LAMC1: variants seen among roughly 807,000 people sequenced by gnomAD.
The protein encoded by LAMC1 is laminin subunit gamma 1.
In LAMC1, 38 loss-of-function variants were observed where a neutral mutation model predicts 173.6. That is an observed-to-expected ratio of 0.22 (90% CI 0.17 to 0.29). The LOEUF (loss-of-function observed/expected upper bound fraction) is 0.29, where lower values mean the gene tolerates loss of function less well. Among genes scored for constraint, LAMC1 ranks in the 10% least tolerant of loss-of-function variants. LAMC1 has a pLI of 1.00. For missense variants in LAMC1, 1,824 were observed against 2,051.8 expected, an observed-to-expected ratio of 0.89 and a Z score of 2.14; for synonymous variants, 746 against 749.1, an observed-to-expected ratio of 1.00 and a Z score of 0.07.
intron 27 of LAMC1, among the ~76,000 whole-genome samples, chr1:183,142,247 A>G (rs1657133104): frequency 6.6e-6 from 1 of 152,248 alleles, no homozygotes; most frequent in African/African-American, 2.4e-5. Flanking sequence ...AGAACATGGT[A>G]GCTGTGCATT....
intron 1 of LAMC1, among the ~76,000 whole-genome samples, chr1:183,025,567 G>C (rs1211563147): frequency 6.6e-6 from 1 of 152,120 alleles, no homozygotes; most frequent in Non-Finnish European, 1.5e-5. Context: ...TAGTGACCGA[G>C]GATTTCCTAA....
chr1:183,097,847 G>C (rs1655733349), intron 1 of LAMC1, among the ~76,000 whole-genome samples: 1 of 152,080 alleles, frequency 6.6e-6, no homozygotes, highest in Admixed American at 6.6e-5. Flanking sequence ...TGAGTTTTTT[G>C]TTTATGGAAG....
chr1:183,118,659 G>GT (rs2102086809), intron 11 of LAMC1, among the ~76,000 whole-genome samples: 1 of 151,788 alleles, frequency 6.6e-6, no homozygotes, highest in Non-Finnish European at 1.5e-5. Context: ...GGAGGCAGTG[G>GT]TTGCAGTGAG....
At chr1:183,108,966 G>C (rs1330766289) in intron 3 of LAMC1, among the ~76,000 whole-genome samples, 1 of 152,200 alleles carries the variant, frequency 6.6e-6, no homozygotes, top group African/African-American at 2.4e-5. Flanking sequence ...GGATGCCTTG[G>C]TTGGATGCAA....
intron 22 of LAMC1, among the ~76,000 whole-genome samples, chr1:183,133,993 C>A (rs567675393): frequency 6.6e-6 from 1 of 152,284 alleles, no homozygotes; most frequent in African/African-American, 2.4e-5. Context: ...TACTCCCAGG[C>A]TCTGTCTAGT....
chr1:183,142,399 A>G (rs1362932064), intron 27 of LAMC1, 135 bp from the exon 28 acceptor site: 2 of 864,444 alleles, frequency 2.3e-6, no homozygotes, highest in Non-Finnish European at 3.5e-6. Flanking sequence ...GACATCAACA[A>G]TCTGCAAGTC....
chr1:183,040,539 T>G (rs953162142), intron 1 of LAMC1, among the ~76,000 whole-genome samples: 10 of 152,208 alleles, frequency 6.6e-5, no homozygotes, highest in African/African-American at 2.4e-4. Context: ...GTATTAAATC[T>G]TCGTAAAATA....
chr1:183,070,586 A>AT (rs1168745794), intron 1 of LAMC1, among the ~76,000 whole-genome samples: 2 of 152,188 alleles, frequency 1.3e-5, no homozygotes, highest in Non-Finnish European at 2.9e-5. Flanking sequence ...CTCCTATTAG[A>AT]TTTTTTAACT....
intron 1 of LAMC1, among the ~76,000 whole-genome samples, chr1:183,051,166 C>T (rs1286192639): frequency 6.6e-6 from 1 of 152,178 alleles, no homozygotes; most frequent in Admixed American, 6.5e-5. Flanking sequence ...TGACACTCCT[C>T]CTTTTGTGTG....
chr1:183,141,040 A>G (rs1657098656), intron 27 of LAMC1: 1 of 152,282 alleles, frequency 6.6e-6, no homozygotes. Flanking sequence ...GCTGGGTGTG[A>G]TGGCTCACAC....
intron 26 of LAMC1, 46 bp downstream of exon 26, chr1:183,137,873 G>A: frequency 1.4e-6 from 2 of 1,457,302 alleles, no homozygotes; most frequent in Non-Finnish European, 1.8e-6. Flanking sequence ...AGTGAACAGT[G>A]TTTAATAATA....
chr1:183,052,016 T>G (rs1049487516), intron 1 of LAMC1, among the ~76,000 whole-genome samples: 7 of 152,162 alleles, frequency 4.6e-5, no homozygotes, highest in African/African-American at 1.7e-4. Context: ...TGATAAAAAA[T>G]CATTCCTTTC....
intron 1 of LAMC1, among the ~76,000 whole-genome samples, chr1:183,024,903 A>G (rs529046111): frequency 1.3e-5 from 2 of 152,352 alleles, no homozygotes; most frequent in East Asian, 3.9e-4. Flanking sequence ...CAGGAAAGGG[A>G]TGTGTAGAAA....
At chr1:183,138,131 A>G (rs544013668) in intron 26 of LAMC1, 14 of 600,444 alleles carry the variant, frequency 2.3e-5, no homozygotes, top group Non-Finnish European at 2.9e-5. Flanking sequence ...TAATTCATAA[A>G]TGTTAATAAA....
intron 1 of LAMC1, among the ~76,000 whole-genome samples, chr1:183,033,699 T>A (rs910694949): frequency 1.1e-4 from 16 of 152,148 alleles, no homozygotes; most frequent in Non-Finnish European, 1.6e-4. Flanking sequence ...GAGAAACTTT[T>A]ATTTTTTTTT....
chr1:183,139,476 T>A (rs2027085), intron 26 of LAMC1, among the ~76,000 whole-genome samples: 7 of 151,950 alleles, frequency 4.6e-5, no homozygotes, highest in Admixed American at 1.3e-4. Flanking sequence ...CCTTTTACAC[T>A]CGCAGACAAG....
intron 26 of LAMC1, 139 bp downstream of exon 26, chr1:183,137,966 T>A: frequency 1.3e-6 from 1 of 760,340 alleles, no homozygotes; most frequent in Non-Finnish European, 1.9e-6. Flanking sequence ...ATTGGGTTAG[T>A]AGCTTACATA....
chr1:183,057,551 A>T (rs1009536582), intron 1 of LAMC1, among the ~76,000 whole-genome samples: 1 of 152,220 alleles, frequency 6.6e-6, no homozygotes, highest in African/African-American at 2.4e-5. Context: ...ACCTGGGGTC[A>T]GGAGTTTGAG....
intron 13 of LAMC1, among the ~76,000 whole-genome samples, chr1:183,123,824 A>C (rs367608734): frequency 6.6e-6 from 1 of 152,214 alleles, no homozygotes; most frequent in Non-Finnish European, 1.5e-5. Context: ...GTGCTGGTAT[A>C]TAGTAGATGC....
Sources: allele counts gnomAD v4.1 joint callset (sites outside exome capture counted in the v4.1 genomes callset), GRCh38; gene constraint gnomAD v4.1.1; transcripts MANE v1.5; gene names NCBI Gene and HGNC (gene_info 2026-07-23, HGNC 2026-07-21).